Variants in MAN1A1 observed in about 807,000 individuals in gnomAD.
MAN1A1 encodes the protein mannosidase alpha class 1A member 1.
A neutral mutation model predicts 70.8 loss-of-function variants in MAN1A1; 29 were observed. The observed-to-expected ratio is 0.41, with a 90% confidence interval of 0.31 to 0.56. The LOEUF (loss-of-function observed/expected upper bound fraction) is 0.56, where lower values mean the gene tolerates loss of function less well. Ranked by LOEUF, MAN1A1 falls within the 20% of genes least tolerant of loss-of-function variation. MAN1A1 has a pLI of 0.29. For synonymous variants in MAN1A1, 349 were observed against 330.1 expected (o/e 1.06, Z -0.62); for missense variants, 747 against 841.3 (o/e 0.89, Z 1.39).
chr6:119,311,004 G>T (rs1772686307), intron 2 of MAN1A1, among the ~76,000 whole-genome samples: 1 of 152,182 alleles, frequency 6.6e-6, no homozygotes, highest in South Asian at 2.1e-4. Flanking sequence ...ACGCATATGA[G>T]AAACTGGGTC....
At chr6:119,347,801 A>C (rs575945453) in intron 2 of MAN1A1, among the ~76,000 whole-genome samples, 1 of 152,374 alleles carries the variant, frequency 6.6e-6, no homozygotes, top group East Asian at 1.9e-4. Context: ...ATCCTGGATT[A>C]ACTTTGTCAC....
intron 5 of MAN1A1, among the ~76,000 whole-genome samples, chr6:119,265,103 T>A (rs199771277): frequency 7.4e-4 from 5 of 6,790 alleles, no homozygotes; most frequent in South Asian, 9.4e-3. Flanking sequence ...CTTTTTTAAA[T>A]TTTTTTTTTT....
chr6:119,297,703 T>C (rs1772254154), intron 4 of MAN1A1, among the ~76,000 whole-genome samples: 1 of 151,176 alleles, frequency 6.6e-6, no homozygotes, highest in Non-Finnish European at 1.5e-5. Flanking sequence ...ATCATAATAC[T>C]TGGTATGTAT....
chr6:119,309,802 A>C (rs1772651574), intron 2 of MAN1A1, among the ~76,000 whole-genome samples: 1 of 152,248 alleles, frequency 6.6e-6, no homozygotes, highest in South Asian at 2.1e-4. Flanking sequence ...AGAAAATATT[A>C]AATTGGGTAT....
chr6:119,199,821 G>A (rs1773668965), intron 8 of MAN1A1, among the ~76,000 whole-genome samples: 1 of 152,076 alleles, frequency 6.6e-6, no homozygotes, highest in Non-Finnish European at 1.5e-5. Context: ...GGGGGCCGAG[G>A]TGGGAAGATA....
In MAN1A1 at chr6:119,325,714, A is replaced by G. The variant is rs547977670; in HGVS notation, c.604-18722T>C. Among the ~76,000 whole-genome samples, 12 of 152,274 alleles carry G rather than the reference A, an allele frequency of 7.9e-5. No homozygotes were observed. The South Asian group carries it at 1.7e-3, about 21-fold the overall frequency. On this transcript the variant is annotated intron_variant, in intron 2 of 12. Coordinates refer to ENST00000368468, the MANE Select transcript of MAN1A1 (RefSeq NM_005907.4). ...AACACTGGGTACTTTAAATACCCCT[A>G]TTGAGCCCAGAATACGAACAATAAT...
intron 2 of MAN1A1, chr6:119,331,959 T>C (rs572189688): frequency 3.7e-5 from 19 of 511,046 alleles, no homozygotes; most frequent in Non-Finnish European, 5.1e-5. Flanking sequence ...TCGCAGGAGC[T>C]GCTCGACCCT....
chr6:119,232,190 G>C, intron 6 of MAN1A1, among the ~76,000 whole-genome samples: 1 of 151,932 alleles, frequency 6.6e-6, no homozygotes, highest in East Asian at 1.9e-4. Flanking sequence ...GGCTAACACA[G>C]TGAAACCTCG....
intron 2 of MAN1A1, among the ~76,000 whole-genome samples, chr6:119,313,478 T>C (rs1772767625): frequency 6.6e-6 from 1 of 152,142 alleles, no homozygotes. Context: ...CTGAAATAAA[T>C]GTATCCCCTT....
At chr6:119,234,538 C>T (rs773282571) in intron 6 of MAN1A1, among the ~76,000 whole-genome samples, 3 of 152,046 alleles carry the variant, frequency 2.0e-5, no homozygotes, top group Admixed American at 6.6e-5. Context: ...CTCAGCCTCC[C>T]GAGTAGCTGA....
At chr6:119,236,297 A>G (rs1214866500) in intron 6 of MAN1A1, among the ~76,000 whole-genome samples, 1 of 152,196 alleles carries the variant, frequency 6.6e-6, no homozygotes, top group Non-Finnish European at 1.5e-5. Flanking sequence ...TCTTTTCAAA[A>G]TATTACTGCT....
intron 5 of MAN1A1, among the ~76,000 whole-genome samples, chr6:119,256,328 G>A (rs1775457182): frequency 6.6e-6 from 1 of 151,952 alleles, no homozygotes; most frequent in African/African-American, 2.4e-5. Context: ...AAAAATAAGA[G>A]GTAGTGAAGA....
chr6:119,199,973 T>G (rs1741883045), intron 8 of MAN1A1, among the ~76,000 whole-genome samples: 1 of 152,080 alleles, frequency 6.6e-6, no homozygotes, highest in Non-Finnish European at 1.5e-5. Flanking sequence ...TAGTACTATT[T>G]GGTGTTTGTT....
intron 6 of MAN1A1, among the ~76,000 whole-genome samples, chr6:119,209,086 G>A (rs1277571140): frequency 5.3e-5 from 3 of 56,926 alleles, no homozygotes; most frequent in Admixed American, 1.9e-4. Flanking sequence ...GTAAGACCCC[G>A]TCTCAAAAAA....
chr6:119,204,997 C>T (rs1773820799), intron 6 of MAN1A1, 115 bp from the exon 7 acceptor site: 2 of 1,016,300 alleles, frequency 2.0e-6, no homozygotes, highest in East Asian at 2.7e-5. Flanking sequence ...GCTAATAGTC[C>T]ACTCTAGATA....
intron 2 of MAN1A1, among the ~76,000 whole-genome samples, chr6:119,312,849 T>C (rs1772747162): frequency 6.6e-6 from 1 of 152,214 alleles, no homozygotes; most frequent in African/African-American, 2.4e-5. Context: ...CTCTATACTT[T>C]CTGTTCAATT....
intron 2 of MAN1A1, among the ~76,000 whole-genome samples, chr6:119,330,881 C>A (rs749529396): frequency 2.6e-5 from 4 of 152,122 alleles, no homozygotes; most frequent in Non-Finnish European, 5.9e-5. Flanking sequence ...ATGTTCTACT[C>A]CAGGTTCCCA....
chr6:119,338,749 T>C (rs2089148960), intron 2 of MAN1A1, among the ~76,000 whole-genome samples: 1 of 152,252 alleles, frequency 6.6e-6, no homozygotes, highest in South Asian at 2.1e-4. Flanking sequence ...GATGCGCTGG[T>C]AAAGCTGGCT....
intron 2 of MAN1A1, 56 bp downstream of exon 2, chr6:119,348,407 G>A (rs957894763): frequency 8.9e-6 from 13 of 1,468,810 alleles, no homozygotes; most frequent in Non-Finnish European, 1.2e-5. Context: ...AAGGCTTGCC[G>A]TTTCTCCCTG....
Sources: allele counts gnomAD v4.1 joint callset (sites outside exome capture counted in the v4.1 genomes callset), GRCh38; gene constraint gnomAD v4.1.1; transcripts MANE v1.5; gene names NCBI Gene and HGNC (gene_info 2026-07-23, HGNC 2026-07-21).